LUC7L3: variants seen among roughly 807,000 people sequenced by gnomAD.
The protein encoded by LUC7L3 is luc7-like protein 3.
In LUC7L3, 6 loss-of-function variants were observed where a neutral mutation model predicts 66.8. That is an observed-to-expected ratio of 0.09 (90% CI 0.05 to 0.18). The LOEUF (loss-of-function observed/expected upper bound fraction) is 0.18. Ranked by LOEUF, LUC7L3 falls within the 10% of genes least tolerant of loss-of-function variation. The pLI is 1.00. For missense variants in LUC7L3, 341 were observed against 531.1 expected, an observed-to-expected ratio of 0.64 and a Z score of 3.52; for synonymous variants, 160 against 174.7, an observed-to-expected ratio of 0.92 and a Z score of 0.66.
intron 1 of LUC7L3, among the ~76,000 whole-genome samples, chr17:50,725,145 C>T (rs1353752530): frequency 6.8e-6 from 1 of 146,410 alleles, no homozygotes; most frequent in Non-Finnish European, 1.5e-5. Context: ...AGCGGTGGCT[C>T]ACGCCTGTAA....
chr17:50,751,786 T>C lies in LUC7L3; in HGVS notation c.*1125T>C, dbSNP rs991344958. The stretch of plus-strand genomic sequence containing the variant: ...AATAGCAAGGACAGACACCTTCAAT[T>C]TGTGAAATCAAAGAACTGATGCACT... On this transcript the variant is annotated 3_prime_UTR_variant, in exon 10 of 10. Coordinates refer to ENST00000505658, the MANE Select transcript of LUC7L3 (RefSeq NM_016424.5). 1.3e-5 allele frequency: 13 copies of C among 1,017,668 alleles called. No homozygotes were observed. Among genetic ancestry groups the C allele is most frequent in the African/African-American group, 1.7e-5 (1 of 57,572 alleles). 63.0% of individuals were successfully genotyped at this position (1,017,668 alleles called of 1,614,324 possible).
At chr17:50,738,212 G>A (rs560671386) in intron 2 of LUC7L3, 20 of 436,212 alleles carry the variant, frequency 4.6e-5, no homozygotes, top group South Asian at 2.8e-4. Context: ...ACTGACCCTT[G>A]GGGAATCTCT....
chr17:50,723,347 G>A (rs1289704458), intron 1 of LUC7L3: 1 of 152,156 alleles, frequency 6.6e-6, no homozygotes, highest in Non-Finnish European at 1.5e-5. Context: ...ATTGAACTAT[G>A]TTCTTTTCTA....
At chr17:50,721,216 T>C (rs1022472378) in intron 1 of LUC7L3, among the ~76,000 whole-genome samples, 1 of 152,224 alleles carries the variant, frequency 6.6e-6, no homozygotes, top group Non-Finnish European at 1.5e-5. Flanking sequence ...ATTTGGCTTA[T>C]GTTCAATAGG....
chr17:50,751,621 G>A lies in LUC7L3; in HGVS notation c.*960G>A. 6 of 1,128,322 alleles carry A rather than the reference G, an allele frequency of 5.3e-6. No homozygotes were observed. Among genetic ancestry groups the A allele is most frequent in the South Asian group, 2.0e-5 (1 of 51,072 alleles). The allele number at this position is 1,128,322 out of a possible 1,614,324, so 69.9% of individuals were successfully genotyped here. On this transcript the variant is annotated 3_prime_UTR_variant, in exon 10 of 10. Transcript: ENST00000505658. The stretch of plus-strand genomic sequence containing the variant: ...ATACAATAAACACTTCATATTATTC[G>A]CCTTGTTACACTCAATGCAATTCTC...
At chr17:50,741,024 G>A (rs1466377984) in intron 3 of LUC7L3, 78 bp from the exon 4 acceptor site, 25 of 1,394,586 alleles carry the variant, frequency 1.8e-5, no homozygotes, top group East Asian at 1.1e-4. Flanking sequence ...TAGTCGTTGA[G>A]GCTAGTTAAG....
intron 1 of LUC7L3, among the ~76,000 whole-genome samples, chr17:50,735,493 T>G (rs1041091255): frequency 6.6e-6 from 1 of 151,246 alleles, no homozygotes; most frequent in Non-Finnish European, 1.5e-5. Flanking sequence ...CTTTTGCCTT[T>G]CCTTTCTTTT....
chr17:50,724,648 A>AGTGTGTGTGTGTGTGT (rs1969042986), intron 1 of LUC7L3, among the ~76,000 whole-genome samples: 1 of 119,660 alleles, frequency 8.4e-6, no homozygotes, highest in Admixed American at 9.2e-5. Context: ...TGTGTGTGTC[A>AGTGTGTGTGTGTGTGT]TTATATATGT....
In LUC7L3 at chr17:50,719,891, G is replaced by C. The variant is rs551776463; in HGVS notation, c.99+60G>C. On this transcript the variant is annotated intron_variant, in intron 1 of 9. Transcript: ENST00000505658. The stretch of plus-strand genomic sequence containing the variant: ...CCGTGGGGGAGGGGAGCGGGCGCGG[G>C]CTGTGGCCCTCCTGGCCGCGGCGCG... The C allele has an allele frequency of 5.4e-6, 8 of 1,491,218 alleles. No homozygotes were observed. In the African/African-American group the frequency reaches 8.4e-5, roughly 16 times the overall value. The allele number at this position is 1,491,218 out of a possible 1,614,324, so 92.4% of individuals were successfully genotyped here.
chr17:50,749,885 C>T (rs1264059006), intron 9 of LUC7L3, among the ~76,000 whole-genome samples: 1 of 152,136 alleles, frequency 6.6e-6, no homozygotes, highest in Non-Finnish European at 1.5e-5. Context: ...ATTTTAATTT[C>T]TCTTTTTGGA....
Position 50,746,677 on chromosome 17 carries a change from A to G in LUC7L3, c.1113A>G (p.Glu371=), listed in dbSNP as rs747349570. 7 of 1,613,056 alleles carry G rather than the reference A, an allele frequency of 4.3e-6. No individual in the cohort carries two copies. The highest frequency in any genetic ancestry group is 5.9e-6 in the Non-Finnish European group (7 of 1,179,748). Residue 371 remains glutamate (E), a synonymous_variant, in exon 9 of 10, where the codon GAA becomes GAG. Transcript: ENST00000505658. ...ACAGGAGCAAAAGTCGGGACAGAGA[A>G]CAAGATAGAAAATCCAAGGAGAAAG... The part of the protein sequence containing the change: ...YKHRSKSRDR[E]QDRKSKEKEK...
rs1162774257 is a variant in LUC7L3 at position 50,751,683 on chromosome 17, G to C, written c.*1022G>C. On this transcript the variant is annotated 3_prime_UTR_variant, in exon 10 of 10. Transcript: ENST00000505658. ...AGGTATGTGCTTAATATTTCCTACTGTGTAGGAGAATTTGCAGTCAGCCAT... is the reference window on the plus strand; with the variant it reads ...AGGTATGTGCTTAATATTTCCTACTCTGTAGGAGAATTTGCAGTCAGCCAT... 1 of 1,070,112 alleles carries C rather than the reference G, an allele frequency of 9.3e-7. No homozygotes were observed. Among genetic ancestry groups the C allele is most frequent in the African/African-American group, 1.7e-5 (1 of 58,824 alleles). 66.3% of individuals were successfully genotyped at this position (1,070,112 alleles called of 1,614,324 possible).
At chr17:50,746,292 A>T (rs1418283540) in intron 8 of LUC7L3, among the ~76,000 whole-genome samples, 1 of 152,212 alleles carries the variant, frequency 6.6e-6, no homozygotes, top group Non-Finnish European at 1.5e-5. Context: ...AAAATATGAA[A>T]TCAGCCATAC....
chr17:50,742,574 GTC>G (rs111483295), intron 5 of LUC7L3, among the ~76,000 whole-genome samples: 11 of 152,246 alleles, frequency 7.2e-5, no homozygotes, highest in African/African-American at 2.6e-4. Context: ...GGCCAAGCTG[GTC>G]TCAAATTCCT....
intron 1 of LUC7L3, among the ~76,000 whole-genome samples, chr17:50,734,940 G>A (rs1969875590): frequency 6.6e-6 from 1 of 152,088 alleles, no homozygotes; most frequent in African/African-American, 2.4e-5. Flanking sequence ...CACAGTAATA[G>A]TAAAACTTTC....
chr17:50,736,851 G>A, intron 1 of LUC7L3, 109 bp from the exon 2 acceptor site: 1 of 686,114 alleles, frequency 1.5e-6, no homozygotes, highest in South Asian at 1.7e-5. Context: ...TCTTACATTG[G>A]TTGAAACATA....
rs1013944861 is a variant in LUC7L3, at chr17:50,751,079, CAT to C, written c.*421_*422del. On this transcript the variant is annotated 3_prime_UTR_variant, in exon 10 of 10. Coordinates refer to ENST00000505658, the MANE Select transcript of LUC7L3 (RefSeq NM_016424.5). ...TCTTGTGTTGGTACATTGGCAGAGA[CAT>C]ATGCTTTAAAAACTTAAATATTTCG... 6 of 1,440,260 alleles carry C rather than the reference CAT, an allele frequency of 4.2e-6. No individual in the cohort carries two copies. The highest frequency in any genetic ancestry group is 5.8e-5 in the Admixed American group (2 of 34,270). 89.2% of individuals were successfully genotyped at this position (1,440,260 alleles called of 1,614,324 possible).
At chr17:50,746,142 A>C (rs190959390) in intron 8 of LUC7L3, 139 bp downstream of exon 8, 1 of 1,312,388 alleles carries the variant, frequency 7.6e-7, no homozygotes, top group East Asian at 2.7e-5. Flanking sequence ...GCGAGAGCGG[A>C]ATCAGTGAAT....
At chr17:50,725,387 G>A (rs1019661689) in intron 1 of LUC7L3, among the ~76,000 whole-genome samples, 6 of 152,128 alleles carry the variant, frequency 3.9e-5, no homozygotes, top group Admixed American at 1.3e-4. Flanking sequence ...TCCAGCCTGC[G>A]TGACAGGAGC....
Sources: gnomAD v4.1 joint callset for allele counts (sites outside exome capture counted in the v4.1 genomes callset) on GRCh38, gnomAD v4.1.1 for gene constraint, MANE v1.5 for transcripts, NCBI Gene and HGNC (gene_info 2026-07-23, HGNC 2026-07-21) for gene names.